RAI1: variants seen among roughly 807,000 people sequenced by gnomAD.
RAI1 encodes the protein retinoic acid-induced protein 1.
Under a neutral mutation model 123.8 loss-of-function variants are expected in RAI1, and 9 were observed. The ratio of observed to expected loss-of-function variants is 0.07; its 90% confidence interval spans 0.04 to 0.13. RAI1 has a LOEUF of 0.13. Ranked by LOEUF, RAI1 falls within the 10% of genes least tolerant of loss-of-function variation. The pLI, the probability that RAI1 is intolerant of heterozygous loss-of-function variation, is 1.00. For missense variants in RAI1, 2,256 were observed against 2,545.8 expected (o/e 0.89, Z 2.45); for synonymous variants, 1,231 against 1,127.3 (o/e 1.09, Z -1.84).
chr17:17,795,576 G>A lies in RAI1; in HGVS notation c.2628G>A (p.Glu876=). ...EAEEEYSSLC[E]LLGSPEQRPG... ...AGGAGGAGTACTCCTCCCTATGTGAGCTCCTGGGCAGCCCCGAGCAGAGGC... is the reference window on the plus strand; with the variant it reads ...AGGAGGAGTACTCCTCCCTATGTGAACTCCTGGGCAGCCCCGAGCAGAGGC... The change falls in exon 3 of 6, where the codon GAG becomes GAA. Residue 876 remains glutamate, a synonymous_variant. Transcript: ENST00000353383. The surrounding 1 kb of genome is among the most constrained non-coding windows in gnomAD (Gnocchi z 5.9). 1 of 1,611,790 alleles carries A rather than the reference G, an allele frequency of 6.2e-7. No homozygotes were observed. Among genetic ancestry groups the A allele is most frequent in the Middle Eastern group, 1.7e-4 (1 of 6,046 alleles).
chr17:17,801,936 G>A lies in RAI1; in HGVS notation c.5566-1820G>A. The stretch of plus-strand genomic sequence containing the variant: ...CTGTGGGCATGAGGCTTCCAGCCAT[G>A]CCTGGCACATAGGAAGCTATTGTCG... On this transcript the variant is annotated intron_variant, in intron 3 of 5. Coordinates refer to ENST00000353383, the MANE Select transcript of RAI1 (RefSeq NM_030665.4). This position sits in a 1 kb window ranked among gnomAD's most constrained non-coding sequence, Gnocchi z 4.1. The A allele has an allele frequency of 2.5e-6, 1 of 399,778 alleles. No homozygotes were observed. Among genetic ancestry groups the A allele is most frequent in the Middle Eastern group, 8.6e-4 (1 of 1,164 alleles). The allele number at this position is 399,778 out of a possible 1,614,324, so 24.8% of individuals were successfully genotyped here. A position where few individuals can be genotyped will look rare whatever the true frequency, so the allele number is the denominator to read the frequency against.
chr17:17,792,960 T>G lies in RAI1; in HGVS notation c.12T>G (p.Phe4Leu). The G allele has an allele frequency of 6.2e-7, 1 of 1,613,378 alleles. No homozygotes were observed. The highest frequency in any genetic ancestry group is 8.5e-7 in the Non-Finnish European group (1 of 1,179,572). MQS[F>L]RERCGFHGKQ... ...AACCAGCCCGAGTCATGCAGTCTTT[T>G]CGAGAAAGGTGTGGTTTCCATGGCA... is the stretch of plus-strand genomic sequence containing the variant. Residue 4 changes from phenylalanine to leucine, a missense_variant, in exon 3 of 6, where the codon TTT (phenylalanine) becomes TTG (leucine). By Grantham distance (22) the Phe-to-Leu change is conservative. Coordinates refer to ENST00000353383, the MANE Select transcript of RAI1 (RefSeq NM_030665.4).
Position 17,809,135 on chromosome 17 carries a change from G to A in RAI1, c.5660-255G>A, listed in dbSNP as rs2032654474. The A allele has an allele frequency of 3.5e-6, 2 of 573,090 alleles. No individual in the cohort carries two copies. Among genetic ancestry groups the A allele is most frequent in the Non-Finnish European group, 6.3e-6 (2 of 315,702 alleles). The allele number at this position is 573,090 out of a possible 1,614,324, so 35.5% of individuals were successfully genotyped here. A position where few individuals can be genotyped will look rare whatever the true frequency, so the allele number is the denominator to read the frequency against. On this transcript the variant is annotated intron_variant, in intron 4 of 5. Coordinates refer to ENST00000353383, the MANE Select transcript of RAI1 (RefSeq NM_030665.4). This position sits in a 1 kb window ranked among gnomAD's most constrained non-coding sequence, Gnocchi z 4.9. ...TGCCTCAAGTGAGGAGGGGCGGCAC[G>A]TGGAACTCAGGGGGAAAAGCTCTCC...
intron 2 of RAI1, among the ~76,000 whole-genome samples, chr17:17,783,566 C>G (rs1410825472): frequency 1.3e-5 from 2 of 152,214 alleles, no homozygotes; most frequent in Non-Finnish European, 2.9e-5. Context: ...ACAACCCCCA[C>G]ACACCCTGCG....
At chr17:17,702,508 C>T (rs1915254836) in intron 1 of RAI1, among the ~76,000 whole-genome samples, 1 of 152,240 alleles carries the variant, frequency 6.6e-6, no homozygotes, top group Non-Finnish European at 1.5e-5. Context: ...GCCCCTTCTC[C>T]CATTCTTGTC....
chr17:17,792,756 G>A (rs993283017), intron 2 of RAI1, among the ~76,000 whole-genome samples, 177 bp from the exon 3 acceptor site: 3 of 142,704 alleles, frequency 2.1e-5, no homozygotes, highest in Admixed American at 7.4e-5. Flanking sequence ...AGGCTCAGGC[G>A]AAGGGGGGAC....
At chr17:17,706,047 A>G (rs990480835) in intron 1 of RAI1, among the ~76,000 whole-genome samples, 2 of 149,888 alleles carry the variant, frequency 1.3e-5, no homozygotes, top group Non-Finnish European at 3.0e-5. Context: ...AAAAAAAAAA[A>G]GGCAACAAAA....
rs749489581 is a variant in RAI1 at position 17,796,632 on chromosome 17, C to T, written c.3684C>T (p.Phe1228=). ...PLHALKRKSA[F]MAPVPTKKRN... ...ATGCGCTCAAAAGGAAGTCGGCCTT[C>T]ATGGCGCCGGTCCCCACCAAGAAGC... is the stretch of plus-strand genomic sequence containing the variant. Residue 1228 remains phenylalanine (F), a synonymous_variant, in exon 3 of 6, where the codon TTC becomes TTT. Transcript: ENST00000353383. The surrounding 1 kb of genome is among the most constrained non-coding windows in gnomAD (Gnocchi z 5.8). The T allele has an allele frequency of 6.2e-7, 1 of 1,612,166 alleles. No individual in the cohort carries two copies. Among genetic ancestry groups the T allele is most frequent in the South Asian group, 1.1e-5 (1 of 91,064 alleles).
intron 2 of RAI1, among the ~76,000 whole-genome samples, chr17:17,748,273 G>C (rs1008000005): frequency 6.6e-6 from 1 of 152,228 alleles, no homozygotes; most frequent in African/African-American, 2.4e-5. Context: ...TGTTGTCCCA[G>C]GTAGTGCCAT....
In RAI1 at chr17:17,795,684, C is replaced by A. The variant is rs145551614; in HGVS notation, c.2736C>A (p.Ala912=). The part of the protein sequence containing the change: ...EEVEEVLDSK[A]GWGSPCHLSG... Reference sequence around the variant, plus strand: ...TGGAGGAGGTGCTGGACTCCAAGGCCGGCTGGGGCTCTCCGTGCCACCTCT... The same window carrying A: ...TGGAGGAGGTGCTGGACTCCAAGGCAGGCTGGGGCTCTCCGTGCCACCTCT... Residue 912 remains alanine, a synonymous_variant, in exon 3 of 6, where the codon GCC becomes GCA. Coordinates refer to ENST00000353383, the MANE Select transcript of RAI1 (RefSeq NM_030665.4). This position sits in a 1 kb window ranked among gnomAD's most constrained non-coding sequence, Gnocchi z 5.9. The A allele has an allele frequency of 4.3e-6, 7 of 1,613,192 alleles. No homozygotes were observed. Among genetic ancestry groups the A allele is most frequent in the Non-Finnish European group, 5.9e-6 (7 of 1,180,010 alleles).
intron 2 of RAI1, among the ~76,000 whole-genome samples, chr17:17,785,522 A>G (rs1598080871): frequency 6.6e-6 from 1 of 152,178 alleles, no homozygotes; most frequent in African/African-American, 2.4e-5. Flanking sequence ...TCAATTATGT[A>G]ATTACCGCTG....
chr17:17,766,774 C>CT (rs1338760808), intron 2 of RAI1, among the ~76,000 whole-genome samples: 1 of 152,210 alleles, frequency 6.6e-6, no homozygotes, highest in Non-Finnish European at 1.5e-5. Flanking sequence ...AATCGGTGCT[C>CT]CAGGCAGCAG....
At chr17:17,791,535 G>C (rs944794970) in intron 2 of RAI1, among the ~76,000 whole-genome samples, 3 of 152,128 alleles carry the variant, frequency 2.0e-5, no homozygotes, top group African/African-American at 7.2e-5. Flanking sequence ...CCTGAGGCAA[G>C]CCACCCCTTC....
rs374187267 is a variant in RAI1 at position 17,796,637 on chromosome 17, C to A, written c.3689C>A (p.Ala1230Glu). The A allele has an allele frequency of 7.6e-5, 122 of 1,611,750 alleles. No homozygotes were observed. The highest frequency in any genetic ancestry group is 9.8e-5 in the Non-Finnish European group (116 of 1,179,228). ...CTCAAAAGGAAGTCGGCCTTCATGG[C>A]GCCGGTCCCCACCAAGAAGCGGAAC... ...HALKRKSAFM[A>E]PVPTKKRNLV... The change falls in exon 3 of 6, where the codon GCG becomes GAG. Residue 1230 changes from alanine (A) to glutamate (E), a missense_variant. By Grantham distance (107) the Ala-to-Glu change is moderately radical (BLOSUM62 -1). Around this residue, in one of 7 missense-constraint regions of RAI1, gnomAD observed 322 missense variants for 358.0 expected, o/e 0.90. Transcript: ENST00000353383. The surrounding 1 kb of genome is among the most constrained non-coding windows in gnomAD (Gnocchi z 5.8).
intron 1 of RAI1, 77 bp downstream of exon 1, chr17:17,681,870 C>G (rs1234291562): frequency 1.8e-5 from 4 of 222,160 alleles, no homozygotes; most frequent in Non-Finnish European, 3.5e-5. Context: ...GCGTCGGGAT[C>G]CTAGGCCGGG....
At chr17:17,763,680 A>T (rs1484975283) in intron 2 of RAI1, among the ~76,000 whole-genome samples, 7 of 152,226 alleles carry the variant, frequency 4.6e-5, no homozygotes, top group Non-Finnish European at 1.0e-4. Flanking sequence ...TGGAGTGTAG[A>T]ATCCACGGGA....
chr17:17,699,940 C>G (rs929050171), intron 1 of RAI1, among the ~76,000 whole-genome samples: 2 of 152,210 alleles, frequency 1.3e-5, no homozygotes, highest in Non-Finnish European at 2.9e-5. Context: ...CTTGTGGGAC[C>G]TTGGGTGTCC....
intron 1 of RAI1, among the ~76,000 whole-genome samples, chr17:17,708,201 G>T (rs1221211973): frequency 6.6e-6 from 1 of 152,048 alleles, no homozygotes; most frequent in African/African-American, 2.4e-5. Flanking sequence ...CATTTTTCTG[G>T]GTCCTCTCCA....
At chr17:17,711,945 C>A (rs568022718) in intron 1 of RAI1, among the ~76,000 whole-genome samples, 1 of 152,222 alleles carries the variant, frequency 6.6e-6, no homozygotes, top group Non-Finnish European at 1.5e-5. Context: ...ACGCGGTGTC[C>A]GGCCCTGATG....
Sources: gnomAD v4.1 joint callset for allele counts (sites outside exome capture counted in the v4.1 genomes callset) on GRCh38, gnomAD v4.1.1 for gene constraint, gnomAD v4.1.1 regional missense constraint, Gnocchi (gnomAD v3.1) non-coding constraint, MANE v1.5 for transcripts, NCBI Gene and HGNC (gene_info 2026-07-23, HGNC 2026-07-21) for gene names.